Variants in POLK observed in about 807,000 individuals in gnomAD.
POLK encodes polymerase (DNA directed) kappa.
In POLK, 76 loss-of-function variants were observed where a neutral mutation model predicts 94.0. The ratio of observed to expected loss-of-function variants is 0.81; its 90% CI spans 0.67 to 0.98. The LOEUF (loss-of-function observed/expected upper bound fraction) is 0.98. POLK is among the 50% of genes least tolerant of loss of function. The pLI, the probability that POLK is intolerant of heterozygous loss-of-function variation, is 0.00. For missense variants in POLK, 954 were observed against 1,010.1 expected, an observed-to-expected ratio of 0.94 and a Z score of 0.75; for synonymous variants, 349 against 325.4, an observed-to-expected ratio of 1.07 and a Z score of -0.78.
upstream of POLK, chr5:75,511,128 C>A (rs1767963053): frequency 6.3e-7 from 1 of 1,595,948 alleles, no homozygotes; most frequent in Non-Finnish European, 8.5e-7. Flanking sequence ...GAGGACCCCG[C>A]AGCGCTCCAC....
At chr5:75,597,326 T>C (rs1773146064) in intron 13 of POLK, 148 bp downstream of exon 13, 2 of 594,520 alleles carry the variant, frequency 3.4e-6, no homozygotes, top group African/African-American at 3.7e-5. Flanking sequence ...TACATTGCCA[T>C]AGGTTAGAAT....
intron 1 of POLK, among the ~76,000 whole-genome samples, chr5:75,518,450 T>G (rs1768417646): frequency 2.0e-5 from 3 of 152,324 alleles, no homozygotes; most frequent in Admixed American, 1.3e-4. Flanking sequence ...ATATAATGAT[T>G]CTTTGTATTT....
At chr5:75,589,294 A>G (rs935177417) in intron 10 of POLK, among the ~76,000 whole-genome samples, 1 of 151,918 alleles carries the variant, frequency 6.6e-6, no homozygotes, top group South Asian at 2.1e-4. Context: ...TGAGAAAAGC[A>G]GGGTACTAAA....
chr5:75,525,110 G>A (rs191476995), intron 1 of POLK, among the ~76,000 whole-genome samples: 19 of 152,182 alleles, frequency 1.2e-4, no homozygotes, highest in African/African-American at 4.3e-4. Context: ...TTACAGTATC[G>A]AGGATATAAT....
intron 3 of POLK, 98 bp downstream of exon 3, chr5:75,552,689 A>C: frequency 1.7e-6 from 2 of 1,191,634 alleles, no homozygotes; most frequent in Non-Finnish European, 2.4e-6. Context: ...GATGAAATGT[A>C]AATGTTCATT....
chr5:75,517,713 T>C (rs927000471), intron 1 of POLK, among the ~76,000 whole-genome samples: 1 of 152,236 alleles, frequency 6.6e-6, no homozygotes, highest in African/African-American at 2.4e-5. Flanking sequence ...CTTGTCTTGT[T>C]CCAGATCTTA....
At chr5:75,562,777 T>C (rs1771056443) in intron 3 of POLK, among the ~76,000 whole-genome samples, 1 of 152,260 alleles carries the variant, frequency 6.6e-6, no homozygotes, top group Non-Finnish European at 1.5e-5. Flanking sequence ...TCATGTAGTT[T>C]TTGTCATTGG....
At chr5:75,584,048 T>G (rs917451123) in intron 8 of POLK, among the ~76,000 whole-genome samples, 1 of 152,232 alleles carries the variant, frequency 6.6e-6, no homozygotes, top group Non-Finnish European at 1.5e-5. Context: ...ATGTAATGAT[T>G]ACTGACTAGT....
At chr5:75,529,854 A>T (rs1244882361) in intron 1 of POLK, among the ~76,000 whole-genome samples, 3 of 152,176 alleles carry the variant, frequency 2.0e-5, no homozygotes, top group African/African-American at 4.8e-5. Flanking sequence ...GAATATAAAC[A>T]TGTACATATA....
intron 1 of POLK, among the ~76,000 whole-genome samples, chr5:75,528,837 G>C (rs751667262): frequency 2.0e-5 from 3 of 152,080 alleles, no homozygotes; most frequent in African/African-American, 4.8e-5. Flanking sequence ...AGAATTTAAT[G>C]AAATAGATGT....
chr5:75,550,691 A>G (rs1026340121), intron 2 of POLK, among the ~76,000 whole-genome samples: 21 of 152,194 alleles, frequency 1.4e-4, no homozygotes, highest in African/African-American at 5.1e-4. Context: ...GAAAAAGCAT[A>G]TTTGATAAAA....
chr5:75,608,265 C>T, the POLK span, among the ~76,000 whole-genome samples: 1 of 151,794 alleles, frequency 6.6e-6, no homozygotes, highest in African/African-American at 2.4e-5. Context: ...ATGATAACAG[C>T]TTGCTGCAGC....
chr5:75,530,378 AT>A (rs1186666945), intron 1 of POLK, among the ~76,000 whole-genome samples: 3 of 36,586 alleles, frequency 8.2e-5, no homozygotes, highest in East Asian at 1.4e-3. Flanking sequence ...GCCTCTTTGT[AT>A]TTTTTTTTCC....
chr5:75,602,323 T>C (rs1324378180), downstream of POLK, among the ~76,000 whole-genome samples: 1 of 152,200 alleles, frequency 6.6e-6, no homozygotes, highest in Non-Finnish European at 1.5e-5. Context: ...TGATTCATAC[T>C]GTTAGCATAA....
intron 10 of POLK, among the ~76,000 whole-genome samples, chr5:75,589,248 A>ATTTCC (rs2038695348): frequency 6.6e-6 from 1 of 152,100 alleles, no homozygotes; most frequent in Non-Finnish European, 1.5e-5. Context: ...AAATGAGGAA[A>ATTTCC]TCATTTACTC....
chr5:75,528,913 G>T (rs1052105304), intron 1 of POLK, among the ~76,000 whole-genome samples: 1 of 152,098 alleles, frequency 6.6e-6, no homozygotes, highest in Admixed American at 6.5e-5. Flanking sequence ...GGTATCCATG[G>T]GGGATTGGCT....
exon 13 of POLK, chr5:75,597,129 G>T: frequency 6.2e-7 from 1 of 1,611,562 alleles, no homozygotes; most frequent in East Asian, 2.2e-5. Context: ...AATTAAGAAA[G>T]GATAAATTTA....
At chr5:75,593,827 A>C (rs1259293340) in intron 11 of POLK, 51 bp from the exon 12 acceptor site, 1 of 1,146,790 alleles carries the variant, frequency 8.7e-7, no homozygotes, top group East Asian at 2.5e-5. Context: ...TGGACAACAG[A>C]GAGAGACCCT....
chr5:75,530,249 T>C (rs895142546), intron 1 of POLK, among the ~76,000 whole-genome samples: 2 of 146,108 alleles, frequency 1.4e-5, no homozygotes, highest in African/African-American at 2.5e-5. Flanking sequence ...GTATTTCTTT[T>C]TTTTTTTTTT....
Sources: gnomAD v4.1 joint callset for allele counts (sites outside exome capture counted in the v4.1 genomes callset) on GRCh38, gnomAD v4.1.1 for gene constraint, MANE v1.5 for transcripts, NCBI Gene and HGNC (gene_info 2026-07-23, HGNC 2026-07-21) for gene names.